Variants in NTN1 observed in about 807,000 individuals in gnomAD.
NTN1 encodes the protein netrin-1.
In NTN1, 11 loss-of-function variants were observed where a neutral mutation model predicts 54.2. The ratio of observed to expected loss-of-function variants is 0.20; its 90% CI spans 0.13 to 0.34. NTN1 has a LOEUF of 0.34. Among genes scored for constraint, NTN1 ranks in the 10% least tolerant of loss-of-function variants. The pLI is 1.00. For missense variants in NTN1, 740 were observed against 893.1 expected, an observed-to-expected ratio of 0.83 and a Z score of 2.18; for synonymous variants, 371 against 382.0, an observed-to-expected ratio of 0.97 and a Z score of 0.33.
chr17:9,142,569 G>A (rs1436761676), intron 2 of NTN1, among the ~76,000 whole-genome samples: 2 of 152,018 alleles, frequency 1.3e-5, no homozygotes, highest in African/African-American at 2.4e-5. Flanking sequence ...TGGGAGGGGG[G>A]TGGAGGTTTG....
rs139000813 is a variant in NTN1 at position 9,135,293 on chromosome 17, C to G, written c.1019-27520C>G. Reference sequence around the variant, plus strand: ...AGCTGCCACCTGGGTCTGAATGTGTCCCCCAGACCCAACACCTCTTTGCAC... The same window carrying G: ...AGCTGCCACCTGGGTCTGAATGTGTGCCCCAGACCCAACACCTCTTTGCAC... On this transcript the variant is annotated intron_variant, in intron 2 of 6. Coordinates refer to ENST00000173229, the MANE Select transcript of NTN1 (RefSeq NM_004822.3). This position sits in a 1 kb window ranked among gnomAD's most constrained non-coding sequence, Gnocchi z 4.4. Among the ~76,000 whole-genome samples the G allele has an allele frequency of 8.2e-3, 1,250 of 152,284 alleles. 24 individuals carry two copies. Among genetic ancestry groups the G allele is most frequent in the African/African-American group, 0.029 (1,194 of 41,548 alleles).
intron 2 of NTN1, among the ~76,000 whole-genome samples, chr17:9,100,958 T>C (rs983458604): frequency 6.6e-6 from 1 of 152,200 alleles, no homozygotes; most frequent in African/African-American, 2.4e-5. Flanking sequence ...TCCCTACCAG[T>C]TTCCTACCAT....
chr17:9,081,030 C>G (rs1458566868), intron 2 of NTN1, among the ~76,000 whole-genome samples: 1 of 152,214 alleles, frequency 6.6e-6, no homozygotes, highest in Non-Finnish European at 1.5e-5. Context: ...GGAACCTTGA[C>G]TTATAGCTGG....
intron 2 of NTN1, among the ~76,000 whole-genome samples, chr17:9,087,943 C>A (rs2092094943): frequency 6.6e-6 from 1 of 152,190 alleles, no homozygotes; most frequent in Admixed American, 6.5e-5. Context: ...GTGGTCTACC[C>A]AAGAGCAGAT....
intron 6 of NTN1, among the ~76,000 whole-genome samples, chr17:9,224,798 A>G (rs58104591): frequency 0.23 from 34,725 of 148,630 alleles, 4,296 homozygotes; most frequent in African/African-American, 0.29. Context: ...GCAGGTGGGG[A>G]TGGGGTGGGG....
chr17:9,062,873 T>G (rs889790405), intron 2 of NTN1, among the ~76,000 whole-genome samples: 1 of 150,272 alleles, frequency 6.7e-6, no homozygotes, highest in Non-Finnish European at 1.5e-5. Flanking sequence ...AGCGTCGCCC[T>G]TAAGTAAAAA....
At chr17:9,015,694 C>T in the NTN1 span, among the ~76,000 whole-genome samples, 5 of 152,076 alleles carry the variant, frequency 3.3e-5, no homozygotes, top group South Asian at 2.1e-4. Flanking sequence ...AACCACACAT[C>T]CCTAAGACCC....
At chr17:9,040,937 G>A (rs1320954244) in intron 2 of NTN1, among the ~76,000 whole-genome samples, 1 of 151,990 alleles carries the variant, frequency 6.6e-6, no homozygotes, top group Non-Finnish European at 1.5e-5. Flanking sequence ...TCACACTCTT[G>A]AGTAGCTGAG....
intron 2 of NTN1, among the ~76,000 whole-genome samples, chr17:9,115,425 C>T (rs1380085448): frequency 2.0e-5 from 3 of 152,222 alleles, no homozygotes; most frequent in Non-Finnish European, 2.9e-5. Flanking sequence ...AAAGGCTTTC[C>T]TTCTCAGAGC....
chr17:9,114,143 CAAAAAAAAAGAAAAAA>C (rs2092201630), intron 2 of NTN1, among the ~76,000 whole-genome samples: 1 of 61,090 alleles, frequency 1.6e-5, no homozygotes, highest in African/African-American at 6.2e-5. Context: ...GCCTGGGTGC[CAAAAAAAAAGAAAAAA>C]AAAAAAAATA....
rs779443102 is a variant in NTN1, at chr17:9,163,022, CGG to C, written c.1207+26_1207+27del. ...CAAAGGTGGGCTACACGTGGCGGGGCGGGGGGCTGGGGAGACCCGGGGAACAT... is the reference window on the plus strand; with the variant it reads ...CAAAGGTGGGCTACACGTGGCGGGGCGGGGCTGGGGAGACCCGGGGAACAT... On this transcript the variant is annotated intron_variant, in intron 3 of 6. Transcript: ENST00000173229. 43 of 1,527,560 alleles carry C rather than the reference CGG, an allele frequency of 2.8e-5. No homozygotes were observed. In the South Asian group the frequency reaches 4.7e-4, roughly 17 times the overall value. 94.6% of individuals were successfully genotyped at this position (1,527,560 alleles called of 1,614,324 possible). A position where few individuals can be genotyped will look rare whatever the true frequency, so the allele number is the denominator to read the frequency against.
rs1331617271 is a variant in NTN1 at position 9,243,304 on chromosome 17, G to A, written c.*3336G>A. On this transcript the variant is annotated 3_prime_UTR_variant, in exon 7 of 7. Coordinates refer to ENST00000173229, the MANE Select transcript of NTN1 (RefSeq NM_004822.3). ...GAGGGTCACAGCCCAGGGAGGCTGG[G>A]AGCTGCTCCAAGGCCCTGGAACTCT... The A allele has an allele frequency of 1.2e-4, 18 of 152,242 alleles. No individual in the cohort carries two copies. Among genetic ancestry groups the A allele is most frequent in the Admixed American group, 1.2e-3 (18 of 15,286 alleles). The allele number at this position is 152,242 out of a possible 1,614,324, so 9.4% of individuals were successfully genotyped here. A position where few individuals can be genotyped will look rare whatever the true frequency, so the allele number is the denominator to read the frequency against.
chr17:9,033,930 A>AAG (rs1305967456), intron 2 of NTN1, among the ~76,000 whole-genome samples: 2 of 151,686 alleles, frequency 1.3e-5, no homozygotes, highest in African/African-American at 2.4e-5. Context: ...AAAAAAAAAA[A>AAG]AAAAGAAAAA....
At chr17:9,105,611 TC>T (rs927679336) in intron 2 of NTN1, among the ~76,000 whole-genome samples, 1 of 152,182 alleles carries the variant, frequency 6.6e-6, no homozygotes, top group African/African-American at 2.4e-5. Flanking sequence ...AACAGGATTT[TC>T]TCCTAAAAGA....
chr17:9,076,033 T>A (rs945190089), intron 2 of NTN1, among the ~76,000 whole-genome samples: 2 of 152,198 alleles, frequency 1.3e-5, no homozygotes, highest in African/African-American at 4.8e-5. Context: ...TTGAGGTCAT[T>A]TTTAAAAACT....
chr17:9,072,314 C>T (rs966467684), intron 2 of NTN1, among the ~76,000 whole-genome samples: 2 of 149,264 alleles, frequency 1.3e-5, no homozygotes, highest in African/African-American at 2.5e-5. Flanking sequence ...GACCATTGTT[C>T]GTGAGAATTC....
intron 2 of NTN1, among the ~76,000 whole-genome samples, chr17:9,030,272 G>T: frequency 6.6e-6 from 1 of 152,196 alleles, no homozygotes; most frequent in Admixed American, 6.5e-5. Flanking sequence ...GGAGAAAGGG[G>T]TACCTATGGT....
At chr17:9,227,007 C>T (rs1179520994) in intron 6 of NTN1, among the ~76,000 whole-genome samples, 1 of 152,102 alleles carries the variant, frequency 6.6e-6, no homozygotes, top group Non-Finnish European at 1.5e-5. Context: ...TGGCGGAGCC[C>T]CTCTGCCTCC....
chr17:9,069,966 C>T (rs925232207), intron 2 of NTN1, among the ~76,000 whole-genome samples: 3 of 152,088 alleles, frequency 2.0e-5, no homozygotes, highest in Admixed American at 6.6e-5. Flanking sequence ...GGGTAGCCTT[C>T]GGGAGAAAAG....
Sources: allele counts gnomAD v4.1 joint callset (sites outside exome capture counted in the v4.1 genomes callset), GRCh38; gene constraint gnomAD v4.1.1; non-coding constraint Gnocchi (gnomAD v3.1); transcripts MANE v1.5; gene names NCBI Gene and HGNC (gene_info 2026-07-23, HGNC 2026-07-21).